Variants in PIP5K1B observed in about 807,000 individuals in gnomAD.
The protein encoded by PIP5K1B is phosphatidylinositol 4-phosphate 5-kinase type-1 beta.
A neutral mutation model predicts 67.0 loss-of-function variants in PIP5K1B; 42 were observed. The ratio of observed to expected loss-of-function variants is 0.63; its 90% CI spans 0.49 to 0.81. The LOEUF (loss-of-function observed/expected upper bound fraction) is 0.81, where lower values mean the gene tolerates loss of function less well. Among genes scored for constraint, PIP5K1B ranks in the 30% least tolerant of loss-of-function variants. The pLI is 0.00. For synonymous variants in PIP5K1B, 214 were observed against 231.4 expected, an observed-to-expected ratio of 0.92 and a Z score of 0.68; for missense variants, 459 against 646.3, an observed-to-expected ratio of 0.71 and a Z score of 3.14.
intron 2 of PIP5K1B, among the ~76,000 whole-genome samples, chr9:68,799,265 G>A (rs1042166261): frequency 5.3e-5 from 8 of 152,172 alleles, no homozygotes; most frequent in Non-Finnish European, 7.3e-5. Flanking sequence ...CTCTCTATCT[G>A]TAGTACATAC....
At chr9:68,925,962 T>C (rs1361941794) in intron 12 of PIP5K1B, among the ~76,000 whole-genome samples, 1 of 151,732 alleles carries the variant, frequency 6.6e-6, no homozygotes, top group African/African-American at 2.4e-5. Flanking sequence ...CACACCCAGC[T>C]GGTTTTTGCT....
In PIP5K1B at chr9:68,940,745, T is replaced by G. The variant is rs142127224; in HGVS notation, c.1457T>G (p.Val486Gly). 2.3e-4 allele frequency: 375 copies of G among 1,613,932 alleles called. 2 individuals carry two copies. In the African/African-American group the frequency reaches 4.4e-3, roughly 19 times the overall value. Residue 486 changes from valine (V) to glycine (G), a missense_variant, in exon 14 of 16, where the codon GTC becomes GGC. By Grantham distance (109) the Val-to-Gly change is moderately radical (BLOSUM62 -3). Transcript: ENST00000265382. ...ACAATTTCATCTTCTTCCTTATACG[T>G]CAATGAGCACTATCCACACGACAGG... Reference protein sequence around the residue: ...ATTISSSSLYVNEHYPHDRPT... With the variant: ...ATTISSSSLYGNEHYPHDRPT...
intron 1 of PIP5K1B, chr9:68,707,516 A>G (rs1007947250): frequency 9.8e-5 from 15 of 152,328 alleles, no homozygotes; most frequent in African/African-American, 3.6e-4. Flanking sequence ...CTGTACTTAT[A>G]TAAGGTGGTT....
chr9:68,927,756 T>A (rs568467526), intron 12 of PIP5K1B, among the ~76,000 whole-genome samples: 2 of 152,300 alleles, frequency 1.3e-5, no homozygotes, highest in South Asian at 4.1e-4. Context: ...CAAAATTTTT[T>A]AATTTTGATG....
At chr9:68,899,354 G>T (rs1026582079) in intron 8 of PIP5K1B, among the ~76,000 whole-genome samples, 4 of 152,188 alleles carry the variant, frequency 2.6e-5, no homozygotes, top group Admixed American at 1.3e-4. Flanking sequence ...AGCCTGAGGA[G>T]CAAGGCTTAA....
At chr9:68,751,208 A>G (rs1398697839) in intron 2 of PIP5K1B, among the ~76,000 whole-genome samples, 7 of 152,246 alleles carry the variant, frequency 4.6e-5, no homozygotes. Context: ...ATGTATAGAA[A>G]GCACGTAGAC....
intron 2 of PIP5K1B, among the ~76,000 whole-genome samples, chr9:68,809,352 G>A (rs1039636421): frequency 7.3e-6 from 1 of 136,242 alleles, no homozygotes; most frequent in African/African-American, 2.7e-5. Flanking sequence ...TCTTTGTAAG[G>A]GCTCTAGAAG....
intron 1 of PIP5K1B, among the ~76,000 whole-genome samples, chr9:68,713,777 C>T (rs550195481): frequency 3.3e-5 from 5 of 152,230 alleles, no homozygotes; most frequent in African/African-American, 1.2e-4. Context: ...ATGGGGTATA[C>T]AGAAAGTGTT....
chr9:68,837,739 A>G (rs1328432663), intron 4 of PIP5K1B, among the ~76,000 whole-genome samples: 1 of 150,994 alleles, frequency 6.6e-6, no homozygotes, highest in Non-Finnish European at 1.5e-5. Flanking sequence ...AATAATTTGT[A>G]ATGCAAGACT....
chr9:68,893,022 A>G (rs7048566), intron 7 of PIP5K1B, among the ~76,000 whole-genome samples: 130,368 of 151,886 alleles, frequency 0.86, 56,772 homozygotes, highest in Non-Finnish European at 0.93. Flanking sequence ...GCAGTGAGCC[A>G]AGATCATGCC....
intron 14 of PIP5K1B, among the ~76,000 whole-genome samples, chr9:68,948,967 C>T (rs1827929732): frequency 6.6e-6 from 1 of 152,000 alleles, no homozygotes; most frequent in Non-Finnish European, 1.5e-5. Context: ...TTGAGGAATT[C>T]ATGTGAGATA....
intron 7 of PIP5K1B, among the ~76,000 whole-genome samples, chr9:68,892,518 T>C (rs1375342810): frequency 1.3e-5 from 2 of 152,164 alleles, no homozygotes; most frequent in African/African-American, 4.8e-5. Context: ...TTAAACTCAA[T>C]TGGAAAATGT....
At chr9:68,743,035 C>T (rs779405474) in intron 2 of PIP5K1B, among the ~76,000 whole-genome samples, 2 of 152,078 alleles carry the variant, frequency 1.3e-5, no homozygotes, top group Non-Finnish European at 2.9e-5. Flanking sequence ...CATCAGCTGT[C>T]AGACTTTGAA....
intron 15 of PIP5K1B, among the ~76,000 whole-genome samples, chr9:68,994,301 C>A (rs1830516618): frequency 6.6e-6 from 1 of 152,038 alleles, no homozygotes; most frequent in African/African-American, 2.4e-5. Flanking sequence ...CTCGGCCTCC[C>A]AAAGTGCTGG....
rs952163852 is a variant in PIP5K1B, at chr9:68,898,383, G to A, written c.771+3745G>A. Among the ~76,000 whole-genome samples, 5 of 152,012 alleles carry A rather than the reference G, an allele frequency of 3.3e-5. No homozygotes were observed. In the South Asian group the frequency reaches 1.0e-3, roughly 32 times the overall value. ...TTCTTGAAGGCTTTCCTATCCCTTG[G>A]TCTGACCCTCTATATGCTCACTGCC... On this transcript the variant is annotated intron_variant, in intron 8 of 15. Coordinates refer to ENST00000265382, the MANE Select transcript of PIP5K1B (RefSeq NM_003558.4).
chr9:68,913,407 A>G (rs974536739), intron 8 of PIP5K1B, among the ~76,000 whole-genome samples: 1 of 152,230 alleles, frequency 6.6e-6, no homozygotes, highest in Non-Finnish European at 1.5e-5. Flanking sequence ...GAATGTTGCT[A>G]ACTCTTAAAG....
At chr9:68,808,431 G>A (rs1163994626) in intron 2 of PIP5K1B, among the ~76,000 whole-genome samples, 1 of 151,638 alleles carries the variant, frequency 6.6e-6, no homozygotes, top group African/African-American at 2.4e-5. Flanking sequence ...ACTATCACCA[G>A]ATACACACAG....
intron 14 of PIP5K1B, among the ~76,000 whole-genome samples, chr9:68,984,111 C>T (rs1830005685): frequency 6.6e-6 from 1 of 152,160 alleles, no homozygotes; most frequent in South Asian, 2.1e-4. Context: ...TACCACAAAT[C>T]ACTCCAACAA....
In PIP5K1B at chr9:68,705,537, G is replaced by A. The variant is rs1827077569; in HGVS notation, c.-468G>A. 1 of 151,896 alleles carries A rather than the reference G, an allele frequency of 6.6e-6. No individual in the cohort carries two copies. The highest frequency in any genetic ancestry group is 1.5e-5 in the Non-Finnish European group (1 of 67,672). 9.4% of individuals were successfully genotyped at this position (151,896 alleles called of 1,614,324 possible). On this transcript the variant is annotated 5_prime_UTR_variant, in exon 1 of 16. Transcript: ENST00000265382. ...GCCCCCGCCAAGGCGCGTCCGGAGC[G>A]AGTTTGGCCCCGCGGCTCCAGCCCC...
Sources: gnomAD v4.1 joint callset for allele counts (sites outside exome capture counted in the v4.1 genomes callset) on GRCh38, gnomAD v4.1.1 for gene constraint, MANE v1.5 for transcripts, NCBI Gene and HGNC (gene_info 2026-07-23, HGNC 2026-07-21) for gene names.